The following SUSD5 variants were observed in gnomAD, a reference collection of about 807,000 sequenced individuals.
The protein encoded by SUSD5 is sushi domain containing 5, also known as sushi domain-containing protein 5.
A neutral mutation model predicts 29.5 loss-of-function variants in SUSD5; 33 were observed. The ratio of observed to expected loss-of-function variants is 1.12; its 90% CI spans 0.85 to 1.49. The LOEUF (loss-of-function observed/expected upper bound fraction) is 1.49. SUSD5 is among the 40% of genes most tolerant of loss of function. The probability of loss-of-function intolerance (pLI) is 0.00; values close to 1 mark genes in which losing one functional copy is unlikely to be tolerated. For synonymous variants in SUSD5, 308 were observed against 325.3 expected (o/e 0.95, Z 0.57); for missense variants, 776 against 800.6 (o/e 0.97, Z 0.37).
intron 3 of SUSD5, among the ~76,000 whole-genome samples, chr3:33,185,682 C>T (rs1309896042): frequency 6.6e-6 from 1 of 152,222 alleles, no homozygotes; most frequent in African/African-American, 2.4e-5. Flanking sequence ...AACTTCTAAA[C>T]TCCTGACATG....
chr3:33,160,536 A>T (rs998175129), intron 4 of SUSD5, among the ~76,000 whole-genome samples: 1 of 152,214 alleles, frequency 6.6e-6, no homozygotes, highest in Non-Finnish European at 1.5e-5. Flanking sequence ...CCTGGGCAAC[A>T]TACTACTTCA....
At chr3:33,172,387 C>T (rs992991769) in intron 4 of SUSD5, among the ~76,000 whole-genome samples, 1 of 152,220 alleles carries the variant, frequency 6.6e-6, no homozygotes, top group Non-Finnish European at 1.5e-5. Flanking sequence ...CCCGCAAAAC[C>T]TGCATTTAGT....
intron 1 of SUSD5, among the ~76,000 whole-genome samples, chr3:33,216,158 C>T (rs544064677): frequency 3.3e-5 from 5 of 152,212 alleles, no homozygotes; most frequent in Admixed American, 1.3e-4. Context: ...AAGGGAACAT[C>T]ACTACAGATC....
At chr3:33,208,140 G>A (rs1037269419) in intron 2 of SUSD5, among the ~76,000 whole-genome samples, 1 of 152,238 alleles carries the variant, frequency 6.6e-6, no homozygotes, top group South Asian at 2.1e-4. Context: ...GTATCAATTC[G>A]AGTTTCAAAG....
intron 3 of SUSD5, among the ~76,000 whole-genome samples, chr3:33,176,944 T>C (rs576263040): frequency 6.6e-6 from 1 of 152,352 alleles, no homozygotes; most frequent in African/African-American, 2.4e-5. Flanking sequence ...CTCTGATCCA[T>C]TGATATTTGT....
chr3:33,161,904 C>T (rs1052416839), intron 4 of SUSD5, among the ~76,000 whole-genome samples: 10 of 152,046 alleles, frequency 6.6e-5, no homozygotes, highest in African/African-American at 1.9e-4. Context: ...TTTTAAACAT[C>T]TCTATCATTA....
At chr3:33,206,353 G>A (rs928699299) in intron 3 of SUSD5, among the ~76,000 whole-genome samples, 40 of 152,122 alleles carry the variant, frequency 2.6e-4, no homozygotes, top group African/African-American at 8.7e-4. Flanking sequence ...CAGCCTGGGC[G>A]ACAAGAGTAA....
Position 33,151,967 on chromosome 3 carries a change from C to T in SUSD5, c.*775G>A, listed in dbSNP as rs939773815. The T allele has an allele frequency of 6.6e-6, 1 of 152,196 alleles. No homozygotes were observed. The highest frequency in any genetic ancestry group is 1.5e-5 in the Non-Finnish European group (1 of 68,046). 9.4% of individuals were successfully genotyped at this position (152,196 alleles called of 1,614,324 possible). On this transcript the variant is annotated 3_prime_UTR_variant, in exon 5 of 5. Coordinates refer to ENST00000309558, the MANE Select transcript of SUSD5 (RefSeq NM_015551.2). ...TCCTGGCTCTTGGTTCATCTGCCCTCAGCAACATCACAACATTAAAAGGAA... is the reference window on the plus strand; with the variant it reads ...TCCTGGCTCTTGGTTCATCTGCCCTTAGCAACATCACAACATTAAAAGGAA...
chr3:33,218,348 T>C (rs1431716013), intron 1 of SUSD5, among the ~76,000 whole-genome samples: 1 of 152,038 alleles, frequency 6.6e-6, no homozygotes, highest in Non-Finnish European at 1.5e-5. Context: ...CGGCGGAAAA[T>C]CACCCCTTAG....
chr3:33,177,014 T>A (rs974220160), intron 3 of SUSD5, among the ~76,000 whole-genome samples: 1 of 152,338 alleles, frequency 6.6e-6, no homozygotes, highest in African/African-American at 2.4e-5. Flanking sequence ...TGTCTTCAGG[T>A]CCAACAGGTT....
At chr3:33,182,591 T>C (rs1258566083) in intron 3 of SUSD5, among the ~76,000 whole-genome samples, 1 of 152,240 alleles carries the variant, frequency 6.6e-6, no homozygotes, top group African/African-American at 2.4e-5. Context: ...CTCATGTATT[T>C]TGGCATCCTG....
rs558120626 is a variant in SUSD5 at position 33,156,531 on chromosome 3, G to A, written c.599-2498C>T. On this transcript the variant is annotated intron_variant, in intron 4 of 4. Coordinates refer to ENST00000309558, the MANE Select transcript of SUSD5 (RefSeq NM_015551.2). ...AAAGCTCAAGAAGCTGGTGTCCTCAGAAGACAGCAGCAGCCCTTTGACCTT... is the reference window on the plus strand; with the variant it reads ...AAAGCTCAAGAAGCTGGTGTCCTCAAAAGACAGCAGCAGCCCTTTGACCTT... Among the ~76,000 whole-genome samples the A allele has an allele frequency of 3.9e-5, 6 of 152,326 alleles. No individual in the cohort carries two copies. The East Asian group carries it at 1.2e-3, about 29-fold the overall frequency.
chr3:33,186,049 G>A (rs918904555), intron 3 of SUSD5, among the ~76,000 whole-genome samples: 19 of 152,112 alleles, frequency 1.2e-4, no homozygotes, highest in African/African-American at 2.2e-4. Flanking sequence ...TTGCTTAAAA[G>A]AAGATAGACT....
chr3:33,187,654 C>CT (rs56965213), intron 3 of SUSD5, among the ~76,000 whole-genome samples: 18,040 of 143,774 alleles, frequency 0.13, 1,197 homozygotes, highest in East Asian at 0.29. Flanking sequence ...TACTAACAGT[C>CT]TTTTTTTTTT....
rs2030976177 is a variant in SUSD5, at chr3:33,153,725, T to C, written c.907A>G (p.Lys303Glu). 1 of 1,613,888 alleles carries C rather than the reference T, an allele frequency of 6.2e-7. No individual in the cohort carries two copies. Among genetic ancestry groups the C allele is most frequent in the Admixed American group, 1.7e-5 (1 of 60,004 alleles). The change falls in exon 5 of 5, where the codon AAG becomes GAG. Residue 303 changes from lysine to glutamate, a missense_variant. Physicochemically the swap from Lys to Glu is moderately conservative, Grantham distance 56. Transcript: ENST00000309558. ...TCCACCTCCTTTTCCAACCCAGGCT[T>C]GTGGAAAGCCTCAGCAGGAAACCAG... Reference protein sequence around the residue: ...LFWFPAEAFHKPGLEKEVDDD... With the variant: ...LFWFPAEAFHEPGLEKEVDDD...
chr3:33,186,831 C>G (rs920035390), intron 3 of SUSD5, among the ~76,000 whole-genome samples: 1 of 152,164 alleles, frequency 6.6e-6, no homozygotes, highest in Non-Finnish European at 1.5e-5. Context: ...CAGAGTGACA[C>G]ATTTTGACCA....
chr3:33,182,962 A>AT (rs34961184), intron 3 of SUSD5, among the ~76,000 whole-genome samples: 493 of 141,086 alleles, frequency 3.5e-3, no homozygotes, highest in African/African-American at 9.4e-3. Flanking sequence ...AATTTTTTGT[A>AT]TTTTTTTTTT....
At chr3:33,197,884 T>G (rs1328398391) in intron 3 of SUSD5, among the ~76,000 whole-genome samples, 1 of 152,228 alleles carries the variant, frequency 6.6e-6, no homozygotes, top group Non-Finnish European at 1.5e-5. Context: ...TGAACATCTG[T>G]GTCGCTTCCA....
chr3:33,183,711 G>C (rs913022132), intron 3 of SUSD5, among the ~76,000 whole-genome samples: 1 of 151,822 alleles, frequency 6.6e-6, no homozygotes, highest in African/African-American at 2.4e-5. Flanking sequence ...TATTTACATA[G>C]GTCTGAGTTT....
Sources: allele counts gnomAD v4.1 joint callset (sites outside exome capture counted in the v4.1 genomes callset), GRCh38; gene constraint gnomAD v4.1.1; transcripts MANE v1.5; gene names NCBI Gene and HGNC (gene_info 2026-07-23, HGNC 2026-07-21).